GATB: variants seen among roughly 807,000 people sequenced by gnomAD.
GATB encodes the protein glutamyl-tRNA amidotransferase subunit B.
GATB carries 39 observed loss-of-function variants against 62.3 expected under a neutral mutation model. That is an observed-to-expected ratio of 0.63 (90% CI 0.48 to 0.82). GATB has a LOEUF of 0.82. GATB is among the 40% of genes least tolerant of loss of function. GATB has a pLI of 0.00. For synonymous variants in GATB, 276 were observed against 258.9 expected (o/e 1.07, Z -0.63); for missense variants, 670 against 684.0 (o/e 0.98, Z 0.23).
intron 6 of GATB, among the ~76,000 whole-genome samples, chr4:151,707,516 C>T (rs1738737515): frequency 6.6e-6 from 1 of 152,122 alleles, no homozygotes; most frequent in Non-Finnish European, 1.5e-5. Flanking sequence ...TGGTCTTGAA[C>T]TCGTGGCCTC....
chr4:151,709,302 C>G (rs1162646954), intron 5 of GATB, among the ~76,000 whole-genome samples: 1 of 152,198 alleles, frequency 6.6e-6, no homozygotes, highest in Non-Finnish European at 1.5e-5. Flanking sequence ...ACCACTCACC[C>G]TCAGAGAAAG....
At chr4:151,702,701 G>A (rs1261643009) in intron 8 of GATB, among the ~76,000 whole-genome samples, 1 of 152,200 alleles carries the variant, frequency 6.6e-6, no homozygotes, top group Non-Finnish European at 1.5e-5. Flanking sequence ...TGTCAAAGCT[G>A]CACCATTGCA....
intron 10 of GATB, among the ~76,000 whole-genome samples, chr4:151,682,713 T>C (rs6817058): frequency 0.6 from 90,589 of 151,668 alleles, 29,580 homozygotes; most frequent in African/African-American, 0.88. Flanking sequence ...AACCATGCTG[T>C]CTGTCCCAAT....
intron 2 of GATB, among the ~76,000 whole-genome samples, chr4:151,733,887 C>T (rs1739318047): frequency 1.3e-5 from 2 of 152,140 alleles, no homozygotes; most frequent in Admixed American, 1.3e-4. Context: ...GGGCATTCGA[C>T]AAAATCCAGC....
chr4:151,702,642 T>C lies in GATB; in HGVS notation c.1008-1124A>G, dbSNP rs191549694. On this transcript the variant is annotated intron_variant, in intron 8 of 12. Transcript: ENST00000263985. Reference sequence around the variant, plus strand: ...CTCTGGACGTTCCATTCAATTTTATTGTAAAGCTAAAACTGCTCTAAAAAA... The same window carrying C: ...CTCTGGACGTTCCATTCAATTTTATCGTAAAGCTAAAACTGCTCTAAAAAA... Among the ~76,000 whole-genome samples, 7 of 152,318 alleles carry C rather than the reference T, an allele frequency of 4.6e-5. No individual in the cohort carries two copies. The East Asian group carries it at 9.6e-4, about 21-fold the overall frequency.
chr4:151,684,795 G>A (rs1445828859), intron 10 of GATB, among the ~76,000 whole-genome samples: 1 of 152,122 alleles, frequency 6.6e-6, no homozygotes, highest in Non-Finnish European at 1.5e-5. Flanking sequence ...ATTTAGAATT[G>A]GGTACCCTTC....
At chr4:151,682,783 A>T (rs1257625896) in intron 10 of GATB, among the ~76,000 whole-genome samples, 3 of 152,094 alleles carry the variant, frequency 2.0e-5, no homozygotes, top group African/African-American at 7.2e-5. Context: ...ACAGGATGCA[A>T]GAAGAAGGAA....
chr4:151,724,138 T>C (rs551300609), intron 2 of GATB: 11 of 152,214 alleles, frequency 7.2e-5, no homozygotes, highest in Middle Eastern at 3.2e-3. Context: ...TTAACATTTA[T>C]TTAGCTAAAC....
chr4:151,703,597 C>T, intron 8 of GATB: 7 of 532,870 alleles, frequency 1.3e-5, no homozygotes. Flanking sequence ...TTTGACACAG[C>T]AGTGGATGAA....
At chr4:151,736,824 T>C (rs1366682379) in intron 2 of GATB, among the ~76,000 whole-genome samples, 1 of 152,214 alleles carries the variant, frequency 6.6e-6, no homozygotes, top group African/African-American at 2.4e-5. Flanking sequence ...CGAGATCTGA[T>C]GGTTTTAAAA....
At chr4:151,705,601 C>T (rs1738699874) in intron 6 of GATB, among the ~76,000 whole-genome samples, 1 of 152,146 alleles carries the variant, frequency 6.6e-6, no homozygotes, top group Admixed American at 6.5e-5. Flanking sequence ...ACCCAGGGCC[C>T]TTACCCTGGG....
intron 5 of GATB, among the ~76,000 whole-genome samples, chr4:151,713,621 G>C (rs1315578034): frequency 6.6e-6 from 1 of 152,188 alleles, no homozygotes; most frequent in African/African-American, 2.4e-5. Flanking sequence ...TGGAAAGTGA[G>C]GCTCAGATAA....
intron 11 of GATB, 114 bp from the exon 12 acceptor site, chr4:151,673,010 G>A: frequency 7.6e-7 from 1 of 1,319,074 alleles, no homozygotes; most frequent in South Asian, 1.4e-5. Context: ...ATTCAATTAA[G>A]TCCCCACTGC....
At chr4:151,759,093 A>G (rs1468854240) in intron 1 of GATB, among the ~76,000 whole-genome samples, 171 bp from the exon 2 acceptor site, 1 of 152,244 alleles carries the variant, frequency 6.6e-6, no homozygotes, top group African/African-American at 2.4e-5. Context: ...ATAAAAAACA[A>G]TTTAGAATAA....
chr4:151,756,471 C>T (rs1024273210), intron 2 of GATB, among the ~76,000 whole-genome samples: 1 of 152,160 alleles, frequency 6.6e-6, no homozygotes, highest in African/African-American at 2.4e-5. Context: ...TGCTCACGTA[C>T]AAAATGAGGT....
chr4:151,672,541 G>A (rs1286655932), intron 12 of GATB: 1 of 543,470 alleles, frequency 1.8e-6, no homozygotes, highest in African/African-American at 1.9e-5. Flanking sequence ...AAACTCCAGG[G>A]GTGGCATCCT....
intron 2 of GATB, among the ~76,000 whole-genome samples, chr4:151,732,235 T>C (rs947965202): frequency 2.0e-5 from 3 of 152,104 alleles, no homozygotes; most frequent in East Asian, 1.9e-4. Flanking sequence ...CAACAGCTCA[T>C]TGAGAATGGG....
chr4:151,717,503 T>G (rs1738937905), intron 3 of GATB, among the ~76,000 whole-genome samples: 1 of 152,238 alleles, frequency 6.6e-6, no homozygotes, highest in South Asian at 2.1e-4. Context: ...CTAAGCATTT[T>G]GCCATCTACT....
At chr4:151,745,639 T>C (rs1016638796) in intron 2 of GATB, among the ~76,000 whole-genome samples, 6 of 152,234 alleles carry the variant, frequency 3.9e-5, no homozygotes, top group African/African-American at 1.4e-4. Context: ...GCATTGTTTG[T>C]TAGTTCCCAG....
Sources: gnomAD v4.1 joint callset for allele counts (sites outside exome capture counted in the v4.1 genomes callset) on GRCh38, gnomAD v4.1.1 for gene constraint, MANE v1.5 for transcripts, NCBI Gene and HGNC (gene_info 2026-07-23, HGNC 2026-07-21) for gene names.